Variants in ASTN1 observed in about 807,000 individuals in gnomAD.
The protein encoded by ASTN1 is astrotactin-1.
ASTN1 carries 41 observed loss-of-function variants against 140.7 expected under a neutral mutation model. The observed-to-expected ratio is 0.29, with a 90% CI of 0.23 to 0.38. ASTN1 has a LOEUF of 0.38. Ranked by LOEUF, ASTN1 falls within the 10% of genes least tolerant of loss-of-function variation. ASTN1 has a pLI of 1.00. For synonymous variants in ASTN1, 640 were observed against 652.2 expected (o/e 0.98, Z 0.29); for missense variants, 1,479 against 1,678.8 (o/e 0.88, Z 2.08).
At chr1:177,160,859 T>G (rs1297415727) in intron 1 of ASTN1, among the ~76,000 whole-genome samples, 1 of 152,246 alleles carries the variant, frequency 6.6e-6, no homozygotes, top group Non-Finnish European at 1.5e-5. Flanking sequence ...AGCAGGGGTT[T>G]AGGTTTAGAT....
At chr1:177,159,162 T>A (rs928976361) in intron 1 of ASTN1, among the ~76,000 whole-genome samples, 1 of 152,122 alleles carries the variant, frequency 6.6e-6, no homozygotes, top group African/African-American at 2.4e-5. Context: ...AAAAAGCAGT[T>A]AAAATGTTGT....
chr1:176,934,135 A>G lies in ASTN1; in HGVS notation c.2671+17T>C, dbSNP rs756954362. 5 of 1,593,108 alleles carry G rather than the reference A, an allele frequency of 3.1e-6. No homozygotes were observed. Among genetic ancestry groups the G allele is most frequent in the East Asian group, 4.5e-5 (2 of 44,382 alleles). On this transcript the variant is annotated intron_variant, in intron 16 of 22. Transcript: ENST00000361833. ...CTGGCATGAGGTATGGAATTTGCCA[A>G]CAAGCATGCCACTCACCTTTACTGA...
intron 1 of ASTN1, among the ~76,000 whole-genome samples, chr1:177,136,652 C>T (rs143046637): frequency 0.025 from 3,786 of 152,264 alleles, 70 homozygotes; most frequent in Non-Finnish European, 0.037. Context: ...CTGTGCCTGG[C>T]TGTGGTTTTA....
chr1:177,122,650 C>T (rs537005891), intron 1 of ASTN1, among the ~76,000 whole-genome samples: 8 of 152,172 alleles, frequency 5.3e-5, no homozygotes, highest in African/African-American at 1.9e-4. Flanking sequence ...TGTCACCACC[C>T]GCGGTTTTCG....
At chr1:176,894,169 C>A (rs754866382) in intron 17 of ASTN1, among the ~76,000 whole-genome samples, 90 of 152,076 alleles carry the variant, frequency 5.9e-4, no homozygotes, top group Non-Finnish European at 1.6e-4. Context: ...AAGGGATCAG[C>A]GAGGGAAGCT....
intron 8 of ASTN1, among the ~76,000 whole-genome samples, chr1:177,001,407 A>T (rs1385565265): frequency 2.6e-5 from 4 of 152,236 alleles, no homozygotes; most frequent in Non-Finnish European, 5.9e-5. Context: ...TCACTTATTG[A>T]GTACCTACAT....
rs148465738 is a variant in ASTN1, at chr1:176,971,297, G to A, written c.1524-6060C>T. Among the ~76,000 whole-genome samples, 489 of 152,238 alleles carry A rather than the reference G, an allele frequency of 3.2e-3. 7 individuals are homozygous for A. Among genetic ancestry groups the A allele is most frequent in the African/African-American group, 0.011 (448 of 41,530 alleles). The stretch of plus-strand genomic sequence containing the variant: ...TCAATTTATCCTAATGATAAGATGG[G>A]GAGATTATTACATGTCACTATCTTC... On this transcript the variant is annotated intron_variant, in intron 8 of 22. Coordinates refer to ENST00000361833, the MANE Select transcript of ASTN1 (RefSeq NM_004319.3).
At chr1:176,860,558 T>G (rs1181852889), downstream of ASTN1, among the ~76,000 whole-genome samples, 1 of 152,244 alleles carries the variant, frequency 6.6e-6, no homozygotes, top group African/African-American at 2.4e-5. Context: ...CTTCCTCAAA[T>G]GCTCCTACAC....
chr1:177,116,080 C>G (rs1042794782), intron 1 of ASTN1, among the ~76,000 whole-genome samples: 1 of 151,990 alleles, frequency 6.6e-6, no homozygotes, highest in South Asian at 2.1e-4. Context: ...GTCATGAAAC[C>G]CAAATTCTAG....
intron 16 of ASTN1, among the ~76,000 whole-genome samples, chr1:176,902,042 C>G (rs1344409414): frequency 6.6e-6 from 1 of 152,204 alleles, no homozygotes; most frequent in Non-Finnish European, 1.5e-5. Context: ...CAGCCGGTCC[C>G]TCAAGAGCAG....
At chr1:176,944,109 C>T (rs925701431) in intron 13 of ASTN1, 91 bp from the exon 14 acceptor site, 8 of 1,511,966 alleles carry the variant, frequency 5.3e-6, no homozygotes, top group Non-Finnish European at 7.2e-6. Flanking sequence ...CGGAGTTTCA[C>T]TCTTGTTGCC....
chr1:176,952,631 T>G (rs1036662675), intron 11 of ASTN1, among the ~76,000 whole-genome samples: 1 of 152,238 alleles, frequency 6.6e-6, no homozygotes, highest in Non-Finnish European at 1.5e-5. Context: ...TGCATCCACA[T>G]TCTGGGTTCC....
intron 16 of ASTN1, among the ~76,000 whole-genome samples, chr1:176,920,950 T>G (rs1354382863): frequency 2.0e-5 from 3 of 152,190 alleles, no homozygotes; most frequent in Non-Finnish European, 4.4e-5. Flanking sequence ...CAGCAATATG[T>G]CAACAATAAA....
At chr1:176,942,866 A>ATATATATATTGATT (rs1385017638) in intron 14 of ASTN1, among the ~76,000 whole-genome samples, 1 of 70,000 alleles carries the variant, frequency 1.4e-5, no homozygotes, top group African/African-American at 4.5e-5. Flanking sequence ...ATATATATAT[A>ATATATATATTGATT]GATTGATGTC....
chr1:176,952,721 T>G (rs745424696), intron 11 of ASTN1, among the ~76,000 whole-genome samples: 9 of 152,134 alleles, frequency 5.9e-5, no homozygotes, highest in Non-Finnish European at 1.2e-4. Flanking sequence ...GTTGCCAGAG[T>G]CCTGTTCTCA....
At chr1:177,055,713 A>G (rs1677768057) in intron 2 of ASTN1, among the ~76,000 whole-genome samples, 1 of 152,204 alleles carries the variant, frequency 6.6e-6, no homozygotes, top group African/African-American at 2.4e-5. Flanking sequence ...AACATACAAT[A>G]TGCCTAAATG....
intron 9 of ASTN1, among the ~76,000 whole-genome samples, chr1:176,964,208 T>A (rs1448956662): frequency 6.6e-6 from 1 of 152,102 alleles, no homozygotes; most frequent in Non-Finnish European, 1.5e-5. Context: ...AGTGAAGAAG[T>A]GAGACTCAGC....
intron 1 of ASTN1, among the ~76,000 whole-genome samples, chr1:177,149,148 C>CATATATAGTAT (rs1682865178): frequency 8.7e-5 from 8 of 91,998 alleles, no homozygotes; most frequent in African/African-American, 4.9e-4. Context: ...ATATATAGTG[C>CATATATAGTAT]ATATATATAG....
intron 16 of ASTN1, among the ~76,000 whole-genome samples, chr1:176,899,783 T>C (rs1435371139): frequency 2.0e-5 from 3 of 152,176 alleles, no homozygotes; most frequent in Non-Finnish European, 4.4e-5. Context: ...TCTTGGGATG[T>C]ACAATCATGT....
Sources: allele counts gnomAD v4.1 joint callset (sites outside exome capture counted in the v4.1 genomes callset), GRCh38; gene constraint gnomAD v4.1.1; transcripts MANE v1.5; gene names NCBI Gene and HGNC (gene_info 2026-07-23, HGNC 2026-07-21).